The following ZNF782 variants were observed in gnomAD, a reference collection of about 807,000 sequenced individuals.
The protein encoded by ZNF782 is zinc finger protein 782.
A neutral mutation model predicts 13.0 loss-of-function variants in ZNF782; 12 were observed. The observed-to-expected ratio is 0.92, with a 90% CI of 0.59 to 1.50. ZNF782 has a LOEUF of 1.50. ZNF782 is among the 40% of genes most tolerant of loss of function. The pLI is 0.00. For synonymous variants in ZNF782, 284 were observed against 283.0 expected, an observed-to-expected ratio of 1.00 and a Z score of -0.04; for missense variants, 770 against 822.9, an observed-to-expected ratio of 0.94 and a Z score of 0.79.
At chr9:96,875,420 T>G in intron 1 of ZNF782, 1 of 454,814 alleles carries the variant, frequency 2.2e-6, no homozygotes, top group South Asian at 1.5e-5. Flanking sequence ...ACCCTCATTT[T>G]CAGGCGAGAA....
intron 4 of ZNF782, among the ~76,000 whole-genome samples, chr9:96,833,034 C>T (rs1452079811): frequency 2.6e-5 from 4 of 151,986 alleles, no homozygotes; most frequent in Non-Finnish European, 4.4e-5. Context: ...TTCTATTGTT[C>T]TGTCATAAAG....
chr9:96,822,556 G>A lies in ZNF782; in HGVS notation c.245-2778C>T, dbSNP rs75267919. On this transcript the variant is annotated intron_variant, in intron 5 of 5. Transcript: ENST00000481138. ...AGTAATAGTGCTTTCCCCCTTTTTC[G>A]AATTGAGACTATTTTATTCAGTTAT... Among the ~76,000 whole-genome samples the A allele has an allele frequency of 2.0e-4, 31 of 152,082 alleles. No individual in the cohort carries two copies. In the East Asian group the frequency reaches 4.4e-3, roughly 22 times the overall value.
chr9:96,872,949 GA>G (rs1851844444), intron 1 of ZNF782, among the ~76,000 whole-genome samples: 1 of 152,068 alleles, frequency 6.6e-6, no homozygotes, highest in Non-Finnish European at 1.5e-5. Context: ...CAGTTACACA[GA>G]AAAAAAGTGG....
chr9:96,866,365 TG>T (rs1273476745), intron 1 of ZNF782, among the ~76,000 whole-genome samples: 3 of 152,006 alleles, frequency 2.0e-5, no homozygotes, highest in Admixed American at 2.0e-4. Context: ...CTTCAGAGGG[TG>T]GAAGCCCCAA....
the ZNF782 span, among the ~76,000 whole-genome samples, chr9:96,904,263 A>G: frequency 9.2e-6 from 1 of 108,928 alleles, no homozygotes; most frequent in East Asian, 2.7e-4. Flanking sequence ...TATTTTTAGT[A>G]GAGACATGCC....
At chr9:96,884,267 C>A in the ZNF782 span, among the ~76,000 whole-genome samples, 1 of 152,312 alleles carries the variant, frequency 6.6e-6, no homozygotes, top group East Asian at 1.9e-4. Context: ...GTGAGCTGAG[C>A]CTTCACCCCC....
the ZNF782 span, among the ~76,000 whole-genome samples, chr9:96,901,473 T>C: frequency 0.028 from 4,306 of 151,392 alleles, 350 homozygotes; most frequent in East Asian, 0.33. Context: ...GGTTTCATTA[T>C]GTTGGCCAGG....
At chr9:96,865,444 T>G (rs767746500) in intron 1 of ZNF782, among the ~76,000 whole-genome samples, 8 of 152,206 alleles carry the variant, frequency 5.3e-5, no homozygotes, top group Non-Finnish European at 1.0e-4. Context: ...TTGTAAGACA[T>G]GACTTGCTCC....
chr9:96,871,482 A>C (rs1247606893), intron 1 of ZNF782, among the ~76,000 whole-genome samples: 2 of 152,148 alleles, frequency 1.3e-5, no homozygotes, highest in Non-Finnish European at 2.9e-5. Flanking sequence ...TTTGAATATT[A>C]AGCATTTAAC....
intron 4 of ZNF782, among the ~76,000 whole-genome samples, chr9:96,841,348 C>G (rs1851183436): frequency 2.0e-5 from 3 of 151,986 alleles, no homozygotes; most frequent in South Asian, 4.1e-4. Flanking sequence ...TATACAACCT[C>G]TTCCAGAAAA....
In ZNF782 at chr9:96,819,528, ACGCTC is replaced by A; in HGVS notation, c.490_494del (p.Glu164Ter). The A allele has an allele frequency of 6.2e-7, 1 of 1,612,976 alleles. No individual in the cohort carries two copies. The highest frequency in any genetic ancestry group is 1.3e-5 in the African/African-American group (1 of 74,920). On this transcript the variant is annotated frameshift_variant, in exon 6 of 6. Transcript: ENST00000481138. LOFTEE classifies it low-confidence loss of function (END_TRUNC). ...TGATGAGCCATTTGTCACAAACATT[ACGCTC>A]ATGAGCCTTTTCTTTTGAATACTGA...
At chr9:96,866,451 C>G (rs986778561) in intron 1 of ZNF782, among the ~76,000 whole-genome samples, 2 of 152,192 alleles carry the variant, frequency 1.3e-5, no homozygotes, top group Non-Finnish European at 2.9e-5. Flanking sequence ...GAACCTCCAC[C>G]TAGATTTCAG....
At chr9:96,885,668 G>T in the ZNF782 span, among the ~76,000 whole-genome samples, 1 of 151,686 alleles carries the variant, frequency 6.6e-6, no homozygotes, top group Non-Finnish European at 1.5e-5. Flanking sequence ...TAAGCCCAAA[G>T]ACATTGATGC....
the ZNF782 span, among the ~76,000 whole-genome samples, chr9:96,899,961 C>A: frequency 6.6e-6 from 1 of 151,596 alleles, no homozygotes; most frequent in Non-Finnish European, 1.5e-5. Flanking sequence ...CACCACATCC[C>A]GCTAATTTTT....
At chr9:96,881,900 C>T in the ZNF782 span, among the ~76,000 whole-genome samples, 2 of 151,824 alleles carry the variant, frequency 1.3e-5, no homozygotes, top group Non-Finnish European at 2.9e-5. Context: ...TTATTTACGT[C>T]TTCTGCATTT....
Position 96,818,479 on chromosome 9 carries a change from A to G in ZNF782, c.1544T>C (p.Phe515Ser). ...PYKCDECGKA[F>S]KLKSGLRKHH... Reference sequence around the variant, plus strand: ...TTTCCTCAGGCCTGACTTCAGTTTGAAAGCTTTCCCACATTCATCACATTT... The same window carrying G: ...TTTCCTCAGGCCTGACTTCAGTTTGGAAGCTTTCCCACATTCATCACATTT... Residue 515 changes from phenylalanine to serine, a missense_variant, in exon 6 of 6, where the codon TTC becomes TCC. Transcript: ENST00000481138. The G allele has an allele frequency of 6.2e-7, 1 of 1,613,816 alleles. No individual in the cohort carries two copies. The highest frequency in any genetic ancestry group is 1.1e-5 in the South Asian group (1 of 91,054).
the ZNF782 span, among the ~76,000 whole-genome samples, chr9:96,897,055 C>T: frequency 1.3e-5 from 2 of 152,280 alleles, no homozygotes; most frequent in South Asian, 4.2e-4. Flanking sequence ...TAAAGTTAGG[C>T]GTGCAGAACA....
chr9:96,925,034 T>G, the ZNF782 span, among the ~76,000 whole-genome samples: 1 of 152,158 alleles, frequency 6.6e-6, no homozygotes, highest in African/African-American at 2.4e-5. Context: ...AATAACTTTA[T>G]TTTTAGGTAA....
At chr9:96,925,167 T>G in the ZNF782 span, among the ~76,000 whole-genome samples, 1 of 152,102 alleles carries the variant, frequency 6.6e-6, no homozygotes, top group African/African-American at 2.4e-5. Context: ...GGCGGCCGGC[T>G]GCGCGCTGGA....
Sources: gnomAD v4.1 joint callset for allele counts (sites outside exome capture counted in the v4.1 genomes callset) on GRCh38, gnomAD v4.1.1 for gene constraint, MANE v1.5 for transcripts, NCBI Gene and HGNC (gene_info 2026-07-23, HGNC 2026-07-21) for gene names.